Variants in TAF4B observed in about 807,000 individuals in gnomAD.
TAF4B encodes the protein transcription initiation factor TFIID subunit 4B.
Under a neutral mutation model 86.4 loss-of-function variants are expected in TAF4B, and 38 were observed. That is an observed-to-expected ratio of 0.44 (90% CI 0.34 to 0.58). The LOEUF is 0.58. Ranked by LOEUF, TAF4B falls within the 20% of genes least tolerant of loss-of-function variation. The pLI, the probability that TAF4B is intolerant of heterozygous loss-of-function variation, is 0.02. For synonymous variants in TAF4B, 388 were observed against 391.2 expected, an observed-to-expected ratio of 0.99 and a Z score of 0.10; for missense variants, 988 against 1,027.6, an observed-to-expected ratio of 0.96 and a Z score of 0.53.
intron 9 of TAF4B, among the ~76,000 whole-genome samples, chr18:26,294,124 T>C (rs1297151897): frequency 1.3e-5 from 2 of 152,172 alleles, no homozygotes; most frequent in Admixed American, 6.5e-5. Context: ...CATGAACATA[T>C]GCTTTTGCTA....
chr18:26,335,589 A>G (rs41306966), intron 13 of TAF4B, among the ~76,000 whole-genome samples: 21,181 of 152,196 alleles, frequency 0.14, 2,017 homozygotes, highest in Non-Finnish European at 0.21. Flanking sequence ...CGTTTTGTAA[A>G]TCTGATACTG....
intron 10 of TAF4B, among the ~76,000 whole-genome samples, chr18:26,316,776 A>G (rs1005736534): frequency 2.6e-5 from 4 of 151,912 alleles, no homozygotes; most frequent in African/African-American, 4.8e-5. Flanking sequence ...TTTGTTTTCT[A>G]TTTGCTTGTG....
rs147546044 is a variant in TAF4B at position 26,282,751 on chromosome 18, C to G, written c.972+691C>G. On this transcript the variant is annotated intron_variant, in intron 6 of 14. Coordinates refer to ENST00000269142, the MANE Select transcript of TAF4B (RefSeq NM_005640.3). ...GTGCTGTCTGATAGCATTTCACACA[C>G]AGCAGAACTTCTTTCAAAATTGGAG... Among the ~76,000 whole-genome samples the G allele has an allele frequency of 1.8e-3, 277 of 152,338 alleles. 1 individual carries two copies. The highest frequency in any genetic ancestry group is 6.5e-3 in the African/African-American group (270 of 41,584).
intron 3 of TAF4B, among the ~76,000 whole-genome samples, chr18:26,268,809 ATTTTG>A (rs2056275905): frequency 1.3e-5 from 2 of 151,550 alleles, no homozygotes; most frequent in South Asian, 4.2e-4. Flanking sequence ...TTTATTTTTT[ATTTTG>A]TTTTGTTTTA....
intron 11 of TAF4B, among the ~76,000 whole-genome samples, chr18:26,322,381 T>G (rs555242150): frequency 6.6e-6 from 1 of 151,798 alleles, no homozygotes; most frequent in Non-Finnish European, 1.5e-5. Context: ...TAGGAATATG[T>G]GATCAACAGG....
chr18:26,357,069 A>G (rs2057294025), intron 13 of TAF4B, among the ~76,000 whole-genome samples: 1 of 152,174 alleles, frequency 6.6e-6, no homozygotes, highest in Admixed American at 6.5e-5. Context: ...GTGATGTACT[A>G]AAGAGGTTTT....
At chr18:26,325,559 GGAGA>G (rs551072193) in intron 11 of TAF4B, among the ~76,000 whole-genome samples, 1 of 152,116 alleles carries the variant, frequency 6.6e-6, no homozygotes, top group African/African-American at 2.4e-5. Flanking sequence ...ATGAGTTGGG[GGAGA>G]GAGAGGAAGG....
chr18:26,255,603 C>CACAAAAAAAAAAAAAAAAAAAAAAAAAAA (rs2056070892), intron 1 of TAF4B: 2 of 486,182 alleles, frequency 4.1e-6, no homozygotes, highest in African/African-American at 7.2e-5. Flanking sequence ...ACTCTGTCTC[C>CACAAAAAAAAAAAAAAAAAAAAAAAAAAA]AAAAAAAAAA....
At chr18:26,388,939 G>T (rs1978539487) in intron 14 of TAF4B, among the ~76,000 whole-genome samples, 1 of 152,120 alleles carries the variant, frequency 6.6e-6, no homozygotes, top group South Asian at 2.1e-4. Flanking sequence ...AGCCTCCCTG[G>T]TAGCTGGGAT....
chr18:26,336,658 A>G (rs2057094289), intron 13 of TAF4B, among the ~76,000 whole-genome samples: 2 of 152,236 alleles, frequency 1.3e-5, no homozygotes, highest in South Asian at 2.1e-4. Flanking sequence ...AACTGTACCT[A>G]TAATTCTCTT....
intron 1 of TAF4B, among the ~76,000 whole-genome samples, chr18:26,261,451 C>T (rs977272268): frequency 7.9e-5 from 12 of 152,170 alleles, no homozygotes; most frequent in African/African-American, 1.9e-4. Context: ...CCGCCCGCCT[C>T]GGCCTCCCAA....
In TAF4B at chr18:26,389,870, C is replaced by T; in HGVS notation, c.2447C>T (p.Ser816Phe). Residue 816 changes from serine to phenylalanine, a missense_variant, in exon 15 of 15, where the codon TCT (serine) becomes TTT (phenylalanine). Physicochemically the swap from Ser to Phe is radical, Grantham distance 155. This residue lies in a region of TAF4B where 216 missense variants were observed against 238.4 expected (regional missense o/e 0.91). Transcript: ENST00000269142. ...GGCTTAAAAGACAACCTTCTTGCTT[C>T]TGGGACATCCAGCCTGACAGCCACC... is the stretch of plus-strand genomic sequence containing the variant. ...IEGLKDNLLA[S>F]GTSSLTATKQ... is the part of the protein sequence containing the mutation. 6.2e-7 allele frequency: 1 copy of T among 1,613,364 alleles called. No individual in the cohort carries two copies. The highest frequency in any genetic ancestry group is 8.5e-7 in the Non-Finnish European group (1 of 1,179,784).
chr18:26,266,486 T>TG (rs1198610342), intron 2 of TAF4B, among the ~76,000 whole-genome samples: 3 of 152,230 alleles, frequency 2.0e-5, no homozygotes, highest in Non-Finnish European at 4.4e-5. Context: ...TTCATTAACT[T>TG]GGCATTGTTA....
intron 14 of TAF4B, 29 bp downstream of exon 14, chr18:26,357,823 T>C: frequency 6.5e-7 from 1 of 1,529,116 alleles, no homozygotes; most frequent in Non-Finnish European, 9.0e-7. Context: ...TTATTTTATT[T>C]TTAATGTCAA....
chr18:26,231,567 A>C (rs1277957668), intron 1 of TAF4B, among the ~76,000 whole-genome samples: 2 of 151,468 alleles, frequency 1.3e-5, no homozygotes, highest in Non-Finnish European at 2.9e-5. Flanking sequence ...GGCCAGGCTG[A>C]TCTTTGAACT....
rs375758431 is a variant in TAF4B at position 26,286,299 on chromosome 18, C to G, written c.1390C>G (p.Leu464Val). ...AGTTGTCTCTGGAACAGCAGTAACA[C>G]TGTCCCTTCCAGCAGTAACTTTTGG... The part of the protein sequence containing the change: ...KPVVSGTAVT[L>V]SLPAVTFGET... Residue 464 changes from leucine (L) to valine (V), a missense_variant, in exon 7 of 15, where the codon CTG (leucine) becomes GTG (valine). Physicochemically the swap from Leu to Val is conservative, Grantham distance 32 (BLOSUM62 1). Coordinates refer to ENST00000269142, the MANE Select transcript of TAF4B (RefSeq NM_005640.3). 10 of 1,614,148 alleles carry G rather than the reference C, an allele frequency of 6.2e-6. No homozygotes were observed. Among genetic ancestry groups the G allele is most frequent in the Non-Finnish European group, 7.6e-6 (9 of 1,180,058 alleles).
chr18:26,332,471 T>G (rs1415766128), intron 12 of TAF4B, among the ~76,000 whole-genome samples: 1 of 151,220 alleles, frequency 6.6e-6, no homozygotes, highest in Non-Finnish European at 1.5e-5. Context: ...GTTTTGTTTT[T>G]TTTAAAGTGT....
At chr18:26,379,738 C>G (rs1409215048) in intron 14 of TAF4B, among the ~76,000 whole-genome samples, 2 of 151,950 alleles carry the variant, frequency 1.3e-5, no homozygotes, top group African/African-American at 4.8e-5. Context: ...TCTAGGTATT[C>G]TTTATTAGGA....
intron 1 of TAF4B, among the ~76,000 whole-genome samples, chr18:26,238,413 C>T (rs1034033932): frequency 5.3e-5 from 8 of 152,198 alleles, no homozygotes; most frequent in African/African-American, 1.7e-4. Context: ...CGGGAATAGC[C>T]TTTGTTAGGC....
Sources: gnomAD v4.1 joint callset for allele counts (sites outside exome capture counted in the v4.1 genomes callset) on GRCh38, gnomAD v4.1.1 for gene constraint, gnomAD v4.1.1 regional missense constraint, MANE v1.5 for transcripts, NCBI Gene and HGNC (gene_info 2026-07-23, HGNC 2026-07-21) for gene names.